Variants in CNTNAP3B observed in about 807,000 individuals in gnomAD.
The protein encoded by CNTNAP3B is contactin associated protein family member 3B.
CNTNAP3B carries 25 observed loss-of-function variants against 108.9 expected under a neutral mutation model. The ratio of observed to expected loss-of-function variants is 0.23; its 90% CI spans 0.17 to 0.32. The LOEUF is 0.32. Among genes scored for constraint, CNTNAP3B ranks in the 10% least tolerant of loss-of-function variants. CNTNAP3B has a pLI of 1.00. For missense variants in CNTNAP3B, 252 were observed against 1,210.4 expected (o/e 0.21, Z 11.75); for synonymous variants, 103 against 473.4 (o/e 0.22, Z 10.16).
intron 12 of CNTNAP3B, among the ~76,000 whole-genome samples, chr9:41,959,835 A>G (rs2118194440): frequency 6.6e-6 from 1 of 152,418 alleles, no homozygotes; most frequent in Admixed American, 6.5e-5. Flanking sequence ...AACTTTTGAA[A>G]CCTTTTGTCA....
intron 12 of CNTNAP3B, among the ~76,000 whole-genome samples, chr9:41,956,058 T>C (rs967828987): frequency 1.6e-4 from 25 of 152,248 alleles, no homozygotes; most frequent in Admixed American, 5.9e-4. Flanking sequence ...ATGTCATTTA[T>C]TAACTACTGT....
intron 13 of CNTNAP3B, among the ~76,000 whole-genome samples, chr9:41,945,205 T>C (rs1824490689): frequency 6.6e-6 from 1 of 152,334 alleles, no homozygotes; most frequent in South Asian, 2.1e-4. Context: ...GAAGACAGTG[T>C]TGCGATTCCT....
At chr9:41,966,192 C>A (rs1309654729) in intron 10 of CNTNAP3B, among the ~76,000 whole-genome samples, 1 of 152,304 alleles carries the variant, frequency 6.6e-6, no homozygotes, top group South Asian at 2.1e-4. Flanking sequence ...CCTTCTCCCC[C>A]TCCTCCCCTT....
intron 10 of CNTNAP3B, among the ~76,000 whole-genome samples, chr9:41,967,547 G>A (rs1173411462): frequency 6.6e-5 from 10 of 152,404 alleles, no homozygotes; most frequent in Non-Finnish European, 7.3e-5. Context: ...TTGTTTGTTT[G>A]TTTGTTAACA....
At position 41,997,793 on chromosome 9, in the gene CNTNAP3B, T is replaced by A. The variant is rs1226600501; in HGVS notation, c.743-41A>T. 7 of 1,435,104 alleles carry A rather than the reference T, an allele frequency of 4.9e-6. No individual in the cohort carries two copies. The South Asian group carries it at 8.8e-5, about 18-fold the overall frequency. 88.9% of individuals were successfully genotyped at this position (1,435,104 alleles called of 1,614,324 possible). On this transcript the variant is annotated intron_variant, in intron 5 of 23. Coordinates refer to ENST00000377561, the MANE Select transcript of CNTNAP3B (RefSeq NM_001201380.3). Reference sequence around the variant, plus strand: ...AAAAAACAGTTATTTCTGTTCAAAATCACGGCTTCCCTTTTTTAGTTGAGC... The same window carrying A: ...AAAAAACAGTTATTTCTGTTCAAAAACACGGCTTCCCTTTTTTAGTTGAGC...
At position 41,953,267 on chromosome 9, in the gene CNTNAP3B, G is replaced by A. The variant is rs1315659883; in HGVS notation, c.1996C>T (p.Leu666=). ...SFAYAAGAGQ[L]RAAVNLAERC... is the part of the protein sequence containing the mutation. ...TCCGCCAGGTTCACCGCGGCCCGCA[G>A]CTGCCCCGCGCCCGCTGCGTACGCG... The change falls in exon 13 of 24, where the codon CTG becomes TTG. Residue 666 remains leucine, a synonymous_variant. Coordinates refer to ENST00000377561, the MANE Select transcript of CNTNAP3B (RefSeq NM_001201380.3). 5.9e-6 allele frequency: 9 copies of A among 1,526,656 alleles called. No homozygotes were observed. Among genetic ancestry groups the A allele is most frequent in the African/African-American group, 2.8e-5 (2 of 71,824 alleles). 94.6% of individuals were successfully genotyped at this position (1,526,656 alleles called of 1,614,324 possible). A position where few individuals can be genotyped will look rare whatever the true frequency, so the allele number is the denominator to read the frequency against.
In CNTNAP3B at chr9:42,041,272, A is replaced by T. The variant is rs537319867; in HGVS notation, c.391-27747T>A. Among the ~76,000 whole-genome samples, 12 of 141,834 alleles carry T rather than the reference A, an allele frequency of 8.5e-5. 1 individual carries two copies. Among genetic ancestry groups the T allele is most frequent in the African/African-American group, 3.0e-4 (11 of 36,420 alleles). 93.0% of individuals were successfully genotyped at this position (141,834 alleles called of 152,430 possible). A position where few individuals can be genotyped will look rare whatever the true frequency, so the allele number is the denominator to read the frequency against. On this transcript the variant is annotated intron_variant, in intron 3 of 23. Transcript: ENST00000377561. ...TAAACTAAAGAGCTTCTGCATAGTA[A>T]AAGAAACTACCATCAGAGTGAACAG...
chr9:42,108,116 A>T lies in CNTNAP3B; in HGVS notation c.86-3377T>A. ...ACTTTCTTTCTAGAAAGAATTGTAC[A>T]CTACTGAGTCAGAGGGGAAAACACA... On this transcript the variant is annotated intron_variant, in intron 1 of 23. Coordinates refer to ENST00000377561, the MANE Select transcript of CNTNAP3B (RefSeq NM_001201380.3). 1.4e-5 allele frequency among the ~76,000 whole-genome samples: 2 copies of T among 139,290 alleles called. 1 individual carries two copies. The highest frequency in any genetic ancestry group is 3.1e-5 in the Non-Finnish European group (2 of 64,932). 91.4% of individuals were successfully genotyped at this position (139,290 alleles called of 152,430 possible). A position where few individuals can be genotyped will look rare whatever the true frequency, so the allele number is the denominator to read the frequency against.
In CNTNAP3B at chr9:42,086,386, A is replaced by C. The variant is rs1041951481; in HGVS notation, c.197-9324T>G. Among the ~76,000 whole-genome samples, 3 of 136,148 alleles carry C rather than the reference A, an allele frequency of 2.2e-5. 1 individual carries two copies. The highest frequency in any genetic ancestry group is 4.7e-5 in the Non-Finnish European group (3 of 63,954). The allele number at this position is 136,148 out of a possible 152,430, so 89.3% of individuals were successfully genotyped here. On this transcript the variant is annotated intron_variant, in intron 2 of 23. Coordinates refer to ENST00000377561, the MANE Select transcript of CNTNAP3B (RefSeq NM_001201380.3). The stretch of plus-strand genomic sequence containing the variant: ...ATGAATAATGTTGCTATGAATATAT[A>C]TATATATATAAATTTTTTTTACATT...
chr9:42,127,262 C>T lies in CNTNAP3B; in HGVS notation c.85+1748G>A, dbSNP rs183812684. ...GTCCGTTTGGAATATCTGTCCCTGC[C>T]CTCCCCTCCTCCAAAAAGAATGTTC... On this transcript the variant is annotated intron_variant, in intron 1 of 23. Transcript: ENST00000377561. Among the ~76,000 whole-genome samples, 146 of 138,536 alleles carry T rather than the reference C, an allele frequency of 1.1e-3. 33 individuals carry two copies. The highest frequency in any genetic ancestry group is 4.1e-3 in the African/African-American group (143 of 34,756). The allele number at this position is 138,536 out of a possible 152,430, so 90.9% of individuals were successfully genotyped here.
chr9:42,107,966 C>G (rs1331501825), intron 1 of CNTNAP3B, among the ~76,000 whole-genome samples: 1 of 97,854 alleles, frequency 1.0e-5, no homozygotes, highest in Non-Finnish European at 2.1e-5. Context: ...CAGAGAAAGA[C>G]TCCGTCTTAA....
chr9:41,979,740 C>A (rs1262388695), intron 9 of CNTNAP3B: 1 of 84,294 alleles, frequency 1.2e-5, no homozygotes, highest in Non-Finnish European at 2.3e-5. Flanking sequence ...CCATCATGCC[C>A]GGCTAAATTT....
Position 42,111,478 on chromosome 9 carries a change from C to G in CNTNAP3B, c.86-6739G>C, listed in dbSNP as rs565588399. 1.4e-5 allele frequency among the ~76,000 whole-genome samples: 2 copies of G among 138,188 alleles called. 1 individual carries two copies. Among genetic ancestry groups the G allele is most frequent in the African/African-American group, 5.8e-5 (2 of 34,644 alleles). 90.7% of individuals were successfully genotyped at this position (138,188 alleles called of 152,430 possible). On this transcript the variant is annotated intron_variant, in intron 1 of 23. Coordinates refer to ENST00000377561, the MANE Select transcript of CNTNAP3B (RefSeq NM_001201380.3). Reference sequence around the variant, plus strand: ...ATAGTCACGCTCCTAAGCTGGTAAACGGTATGCCTGAAGCTAAGGCATAGA... The same window carrying G: ...ATAGTCACGCTCCTAAGCTGGTAAAGGGTATGCCTGAAGCTAAGGCATAGA...
At chr9:41,923,671 A>T (rs1823728938) in intron 16 of CNTNAP3B, among the ~76,000 whole-genome samples, 1 of 152,298 alleles carries the variant, frequency 6.6e-6, no homozygotes, top group South Asian at 2.1e-4. Context: ...CTGAGGCAGG[A>T]GAATTGCTTG....
chr9:41,919,012 A>G (rs1388641533), intron 18 of CNTNAP3B, among the ~76,000 whole-genome samples: 1 of 152,268 alleles, frequency 6.6e-6, no homozygotes, highest in African/African-American at 2.4e-5. Context: ...AGAGACACTT[A>G]AACACACAAT....
At chr9:41,930,515 C>T (rs1254857220) in intron 14 of CNTNAP3B, among the ~76,000 whole-genome samples, 1 of 151,912 alleles carries the variant, frequency 6.6e-6, no homozygotes, top group African/African-American at 2.4e-5. Context: ...TGCACTCCAG[C>T]CTGGGTGGCA....
intron 14 of CNTNAP3B, among the ~76,000 whole-genome samples, chr9:41,932,269 T>TA (rs1420960517): frequency 4.6e-5 from 7 of 152,100 alleles, no homozygotes; most frequent in Admixed American, 3.3e-4. Flanking sequence ...GGAGCAGTAT[T>TA]AAAAATTCAG....
intron 16 of CNTNAP3B, among the ~76,000 whole-genome samples, chr9:41,923,649 C>A (rs1011602098): frequency 1.3e-5 from 2 of 152,298 alleles, no homozygotes; most frequent in African/African-American, 2.4e-5. Context: ...ATAGTCCCAG[C>A]TACTCAGGAG....
rs560094450 is a variant in CNTNAP3B, at chr9:42,118,355, C to T, written c.85+10655G>A. On this transcript the variant is annotated intron_variant, in intron 1 of 23. Coordinates refer to ENST00000377561, the MANE Select transcript of CNTNAP3B (RefSeq NM_001201380.3). The stretch of plus-strand genomic sequence containing the variant: ...GATCAAGCGGGCTTCAGCCCTGGGA[C>T]GCAAGGCTGGTTCAACATACGAAAA... 1.9e-4 allele frequency among the ~76,000 whole-genome samples: 27 copies of T among 139,510 alleles called. 1 individual carries two copies. Among genetic ancestry groups the T allele is most frequent in the African/African-American group, 4.0e-4 (14 of 35,300 alleles). 91.5% of individuals were successfully genotyped at this position (139,510 alleles called of 152,430 possible). A position where few individuals can be genotyped will look rare whatever the true frequency, so the allele number is the denominator to read the frequency against.
Sources: gnomAD v4.1 joint callset for allele counts (sites outside exome capture counted in the v4.1 genomes callset) on GRCh38, gnomAD v4.1.1 for gene constraint, MANE v1.5 for transcripts, NCBI Gene and HGNC (gene_info 2026-07-23, HGNC 2026-07-21) for gene names.